The following ITGB3BP variants were observed in gnomAD, a reference collection of about 807,000 sequenced individuals.
The protein encoded by ITGB3BP is integrin subunit beta 3 binding protein.
A neutral mutation model predicts 29.1 loss-of-function variants in ITGB3BP; 27 were observed. The observed-to-expected ratio is 0.93, with a 90% CI of 0.68 to 1.28. ITGB3BP has a LOEUF of 1.28. Among genes scored for constraint, ITGB3BP ranks in the 50% most tolerant of loss-of-function variants. ITGB3BP has a pLI of 0.00. For missense variants in ITGB3BP, 192 were observed against 200.2 expected (o/e 0.96, Z 0.25); for synonymous variants, 61 against 61.4 (o/e 0.99, Z 0.03).
intron 4 of ITGB3BP, among the ~76,000 whole-genome samples, chr1:63,464,723 C>T (rs978406005): frequency 6.6e-6 from 1 of 152,062 alleles, no homozygotes. Context: ...ACCTGGTGAA[C>T]ATCACTGTAA....
intron 7 of ITGB3BP, among the ~76,000 whole-genome samples, chr1:63,450,719 T>C (rs990617395): frequency 3.3e-5 from 5 of 151,910 alleles, no homozygotes; most frequent in Admixed American, 6.6e-5. Context: ...ATAAAGCCAG[T>C]GTTATTGAAG....
intron 2 of ITGB3BP, chr1:63,529,054 A>T (rs1266812361): frequency 6.6e-6 from 1 of 152,142 alleles, no homozygotes; most frequent in Non-Finnish European, 1.5e-5. Flanking sequence ...TAAAACACAT[A>T]TTGCCATTTC....
intron 4 of ITGB3BP, among the ~76,000 whole-genome samples, chr1:63,474,764 G>A (rs1447190911): frequency 4.0e-5 from 6 of 148,896 alleles, no homozygotes; most frequent in African/African-American, 4.8e-5. Context: ...GCGGAAGGCC[G>A]CAGGGTCCTC....
chr1:63,473,129 C>G (rs1490588667), intron 4 of ITGB3BP, among the ~76,000 whole-genome samples: 1 of 151,874 alleles, frequency 6.6e-6, no homozygotes, highest in Non-Finnish European at 1.5e-5. Flanking sequence ...GCCCTGCCGC[C>G]CTGTCTGGGA....
intron 4 of ITGB3BP, among the ~76,000 whole-genome samples, chr1:63,462,460 T>C (rs1250716039): frequency 1.3e-5 from 2 of 152,232 alleles, no homozygotes; most frequent in Admixed American, 1.3e-4. Flanking sequence ...GACTTTTATT[T>C]CTTTTTCTTA....
intron 2 of ITGB3BP, among the ~76,000 whole-genome samples, chr1:63,498,519 C>T (rs2100721147): frequency 6.6e-6 from 1 of 151,682 alleles, no homozygotes; most frequent in Admixed American, 6.6e-5. Context: ...GAACAAAACG[C>T]AACAAAACAT....
chr1:63,508,946 T>C (rs1646139607), intron 1 of ITGB3BP, among the ~76,000 whole-genome samples: 1 of 152,188 alleles, frequency 6.6e-6, no homozygotes, highest in African/African-American at 2.4e-5. Flanking sequence ...CAAAATAATT[T>C]ATACACTTTC....
chr1:63,526,461 A>C, upstream of ITGB3BP, among the ~76,000 whole-genome samples: 1 of 152,176 alleles, frequency 6.6e-6, no homozygotes, highest in East Asian at 1.9e-4. Flanking sequence ...CCAATTTTAT[A>C]ATGAATTTTC....
At chr1:63,496,735 T>C (rs1437819371) in intron 2 of ITGB3BP, among the ~76,000 whole-genome samples, 1 of 152,202 alleles carries the variant, frequency 6.6e-6, no homozygotes, top group Non-Finnish European at 1.5e-5. Context: ...AATGTCTTCT[T>C]AAAGCTCCTC....
At chr1:63,522,617 C>A (rs1646479925) in intron 1 of ITGB3BP, among the ~76,000 whole-genome samples, 1 of 152,090 alleles carries the variant, frequency 6.6e-6, no homozygotes, top group Non-Finnish European at 1.5e-5. Flanking sequence ...ATTTAGAGAT[C>A]ATGCAGTACA....
intron 7 of ITGB3BP, chr1:63,447,861 T>C (rs941579613): frequency 6.8e-6 from 2 of 293,178 alleles, no homozygotes; most frequent in South Asian, 3.2e-5. Context: ...ATCATGCTGC[T>C]ATAAAGACAC....
chr1:63,447,443 G>A, intron 7 of ITGB3BP: 1 of 396,476 alleles, frequency 2.5e-6, no homozygotes, highest in South Asian at 1.9e-5. Flanking sequence ...TTGTTTGTCT[G>A]CCAAAGAGGA....
intron 8 of ITGB3BP, chr1:63,443,130 G>A (rs1308637371): frequency 6.6e-6 from 1 of 152,348 alleles, no homozygotes. Context: ...AAGTGTGACA[G>A]AGGGCTGGAG....
At chr1:63,447,189 G>A (rs1644800976) in intron 7 of ITGB3BP, 1 of 272,070 alleles carries the variant, frequency 3.7e-6, no homozygotes. Flanking sequence ...GCAGGACTAT[G>A]TCTGCCTTGT....
chr1:63,441,217 G>C (rs1644725975), intron 8 of ITGB3BP, 114 bp from the exon 9 acceptor site: 1 of 152,144 alleles, frequency 6.6e-6, no homozygotes. Flanking sequence ...ACCTAGTTTA[G>C]TTAGATGCTG....
At chr1:63,505,282 T>G (rs1646048126) in intron 2 of ITGB3BP, among the ~76,000 whole-genome samples, 1 of 152,350 alleles carries the variant, frequency 6.6e-6, no homozygotes, top group Admixed American at 6.5e-5. Flanking sequence ...CTTCTAGATT[T>G]TCTAGTTTAT....
rs1012041089 is a variant in ITGB3BP at position 63,440,916 on chromosome 1, G to T, written c.*189C>A. On this transcript the variant is annotated 3_prime_UTR_variant, in exon 9 of 9. Transcript: ENST00000271002. ...AGAAGAAATGTATTATTTACATTGAGATTATCTACTGGTGCGTGTAGAAAG... is the reference window on the plus strand; with the variant it reads ...AGAAGAAATGTATTATTTACATTGATATTATCTACTGGTGCGTGTAGAAAG... 5 of 152,592 alleles carry T rather than the reference G, an allele frequency of 3.3e-5. No homozygotes were observed. The highest frequency in any genetic ancestry group is 1.2e-4 in the African/African-American group (5 of 41,424). 9.5% of individuals were successfully genotyped at this position (152,592 alleles called of 1,614,324 possible). A position where few individuals can be genotyped will look rare whatever the true frequency, so the allele number is the denominator to read the frequency against.
At chr1:63,495,003 T>C (rs1181194427) in intron 2 of ITGB3BP, among the ~76,000 whole-genome samples, 2 of 152,122 alleles carry the variant, frequency 1.3e-5, no homozygotes, top group African/African-American at 4.8e-5. Flanking sequence ...GACAGGGTCT[T>C]ACTACATTGC....
intron 8 of ITGB3BP, among the ~76,000 whole-genome samples, chr1:63,441,592 G>A (rs987912520): frequency 3.3e-5 from 5 of 151,994 alleles, no homozygotes; most frequent in Admixed American, 3.3e-4. Context: ...CTCTGACATA[G>A]CACTCAGTAT....
Sources: allele counts gnomAD v4.1 joint callset (sites outside exome capture counted in the v4.1 genomes callset), GRCh38; gene constraint gnomAD v4.1.1; transcripts MANE v1.5; gene names NCBI Gene and HGNC (gene_info 2026-07-23, HGNC 2026-07-21).